CAPN9: variants seen among roughly 807,000 people sequenced by gnomAD.
CAPN9 encodes the protein calpain 9, also known as calpain-9.
Under a neutral mutation model 92.8 loss-of-function variants are expected in CAPN9, and 81 were observed. The observed-to-expected ratio is 0.87, with a 90% confidence interval of 0.73 to 1.05. The LOEUF is 1.05. CAPN9 is among the 50% of genes least tolerant of loss of function. The pLI is 0.00. For synonymous variants in CAPN9, 304 were observed against 328.0 expected, an observed-to-expected ratio of 0.93 and a Z score of 0.79; for missense variants, 848 against 866.2, an observed-to-expected ratio of 0.98 and a Z score of 0.26.
At chr1:230,777,496 T>G (rs1666885762) in intron 8 of CAPN9, among the ~76,000 whole-genome samples, 1 of 151,976 alleles carries the variant, frequency 6.6e-6, no homozygotes, top group Admixed American at 6.6e-5. Context: ...AATTCCCCCC[T>G]TCTTCTGAAT....
intron 1 of CAPN9, among the ~76,000 whole-genome samples, chr1:230,750,860 G>A (rs570596062): frequency 2.4e-3 from 367 of 152,288 alleles, no homozygotes; most frequent in Non-Finnish European, 3.2e-3. Flanking sequence ...GGGCTGGGAG[G>A]CAGAGAGGGT....
At chr1:230,775,994 G>A (rs553523190) in intron 8 of CAPN9, 1 of 151,344 alleles carries the variant, frequency 6.6e-6, no homozygotes, top group African/African-American at 2.4e-5. Context: ...ATAGAACACA[G>A]CCTCAGTAGT....
In CAPN9 at chr1:230,792,643, G is replaced by A. The variant is rs772099660; in HGVS notation, c.1791+149G>A. On this transcript the variant is annotated intron_variant, in intron 16 of 19. Transcript: ENST00000271971. ...AGGGAAAACAGCATCATGCTATTCC[G>A]ATGCTTACGGGAGTACCACCGTGCT... The A allele has an allele frequency of 2.1e-5, 16 of 773,466 alleles. No individual in the cohort carries two copies. In the East Asian group the frequency reaches 3.0e-4, roughly 14 times the overall value. 47.9% of individuals were successfully genotyped at this position (773,466 alleles called of 1,614,324 possible).
intron 3 of CAPN9, 122 bp from the exon 4 acceptor site, chr1:230,762,531 A>T: frequency 8.5e-7 from 1 of 1,176,116 alleles, no homozygotes; most frequent in Non-Finnish European, 1.2e-6. Flanking sequence ...TGTGATTTTC[A>T]AAGCTGTCTA....
chr1:230,753,901 A>G (rs1665033452), intron 1 of CAPN9, among the ~76,000 whole-genome samples: 2 of 133,622 alleles, frequency 1.5e-5, no homozygotes, highest in South Asian at 5.2e-4. Flanking sequence ...CTTCCCCCAG[A>G]GACGCCTCCC....
chr1:230,800,307 G>A (rs11122605), intron 19 of CAPN9, among the ~76,000 whole-genome samples: 17,057 of 50,046 alleles, frequency 0.34, 2,134 homozygotes, highest in African/African-American at 0.4. Flanking sequence ...AGAAAGAAAG[G>A]AAAAACAAGA....
chr1:230,755,657 C>T (rs1286966315), intron 2 of CAPN9, among the ~76,000 whole-genome samples: 1 of 152,196 alleles, frequency 6.6e-6, no homozygotes, highest in African/African-American at 2.4e-5. Context: ...GAAAGTGACA[C>T]CCAGCAGCGT....
chr1:230,765,664 C>CA (rs1421518707), intron 4 of CAPN9, among the ~76,000 whole-genome samples: 1 of 151,802 alleles, frequency 6.6e-6, no homozygotes, highest in African/African-American at 2.4e-5. Context: ...ATCTCAAAAA[C>CA]AAAAACAAAA....
At position 230,792,426 on chromosome 1, in the gene CAPN9, A is replaced by G; in HGVS notation, c.1723A>G (p.Thr575Ala). The change falls in exon 16 of 20, where the codon ACC becomes GCC. Residue 575 changes from threonine (T) to alanine (A), a missense_variant and splice_region_variant. Transcript: ENST00000271971. ...GTCTCCCTTAACCCACATGGCACAG[A>G]CCAGCGGCAATGGGAAGCTGGAGTT... ...SCKNIISLMD[T>A]SGNGKLEFDE... 1 of 1,613,810 alleles carries G rather than the reference A, an allele frequency of 6.2e-7. No homozygotes were observed. Among genetic ancestry groups the G allele is most frequent in the Non-Finnish European group, 8.5e-7 (1 of 1,179,690 alleles).
chr1:230,760,783 G>A (rs1054387126), intron 3 of CAPN9, among the ~76,000 whole-genome samples: 4 of 152,212 alleles, frequency 2.6e-5, no homozygotes, highest in Admixed American at 1.3e-4. Flanking sequence ...TCTTTCCCCA[G>A]TCCTCTTAAA....
At chr1:230,764,910 T>TTA (rs1216152608) in intron 4 of CAPN9, among the ~76,000 whole-genome samples, 1 of 152,138 alleles carries the variant, frequency 6.6e-6, no homozygotes, top group African/African-American at 2.4e-5. Context: ...TGTACATGGG[T>TTA]TATCATACAC....
At chr1:230,762,428 G>A (rs751778503) in intron 3 of CAPN9, among the ~76,000 whole-genome samples, 1 of 152,228 alleles carries the variant, frequency 6.6e-6, no homozygotes, top group Non-Finnish European at 1.5e-5. Flanking sequence ...TTGACCCTGA[G>A]TCTTTCAGCT....
At chr1:230,791,984 GTAGAGTAA>G in intron 15 of CAPN9, 56 bp downstream of exon 15, 1 of 1,261,548 alleles carries the variant, frequency 7.9e-7, no homozygotes, top group Non-Finnish European at 1.2e-6. Flanking sequence ...TTTAAGCACA[GTAGAGTAA>G]TCTTCAATAG....
In CAPN9 at chr1:230,775,716, A is replaced by G. The variant is rs182516988; in HGVS notation, c.953+1085A>G. ...GTGGATCACGAGGTCAGGAGATTGA[A>G]ACCATCCTGGCTAACACAGTGAAAC... On this transcript the variant is annotated intron_variant, in intron 8 of 19. Coordinates refer to ENST00000271971, the MANE Select transcript of CAPN9 (RefSeq NM_006615.3). Among the ~76,000 whole-genome samples the G allele has an allele frequency of 5.6e-3, 860 of 152,232 alleles. 7 individuals are homozygous for G. The highest frequency in any genetic ancestry group is 9.2e-3 in the Non-Finnish European group (628 of 68,010).
chr1:230,752,525 G>T (rs1303476678), intron 1 of CAPN9: 1 of 180,568 alleles, frequency 5.5e-6, no homozygotes, highest in Non-Finnish European at 1.1e-5. Flanking sequence ...CAAGATAGGA[G>T]CTGGGAGGCG....
rs778328271 is a variant in CAPN9, at chr1:230,798,246, C to A, written c.2046+26C>A. The stretch of plus-strand genomic sequence containing the variant: ...GTATGGCCAATCCAGACCCTCTGCT[C>A]AGGGACCCAGCTGGGGCCCAGCAGA... On this transcript the variant is annotated intron_variant, in intron 19 of 19. Coordinates refer to ENST00000271971, the MANE Select transcript of CAPN9 (RefSeq NM_006615.3). The A allele has an allele frequency of 6.5e-6, 10 of 1,544,920 alleles. No individual in the cohort carries two copies. The East Asian group carries it at 2.2e-4, about 35-fold the overall frequency.
At chr1:230,753,744 C>A (rs553203447) in intron 1 of CAPN9, among the ~76,000 whole-genome samples, 1 of 152,244 alleles carries the variant, frequency 6.6e-6, no homozygotes, top group South Asian at 2.1e-4. Flanking sequence ...CCTCTGCAGG[C>A]CCCGGCCCAG....
At chr1:230,798,658 CG>C (rs774419630) in intron 19 of CAPN9, among the ~76,000 whole-genome samples, 2 of 152,144 alleles carry the variant, frequency 1.3e-5, no homozygotes, top group Non-Finnish European at 2.9e-5. Context: ...GGCCAGTTAC[CG>C]GGGCCATTGT....
intron 12 of CAPN9, among the ~76,000 whole-genome samples, chr1:230,786,420 GA>G (rs1418355852): frequency 6.6e-6 from 1 of 152,096 alleles, no homozygotes; most frequent in African/African-American, 2.4e-5. Flanking sequence ...GGTTTTTAAA[GA>G]AAAAATGAGA....
Sources: gnomAD v4.1 joint callset for allele counts (sites outside exome capture counted in the v4.1 genomes callset) on GRCh38, gnomAD v4.1.1 for gene constraint, MANE v1.5 for transcripts, NCBI Gene and HGNC (gene_info 2026-07-23, HGNC 2026-07-21) for gene names.